Variants in PBX1 observed in about 807,000 individuals in gnomAD.
PBX1 encodes the protein PBX homeobox 1.
PBX1 carries 6 observed loss-of-function variants against 53.4 expected under a neutral mutation model. The observed-to-expected ratio is 0.11, with a 90% CI of 0.06 to 0.22. PBX1 has a LOEUF of 0.22. PBX1 is among the 10% of genes least tolerant of loss of function. PBX1 has a pLI of 1.00. For missense variants in PBX1, 251 were observed against 551.4 expected, an observed-to-expected ratio of 0.46 and a Z score of 5.46; for synonymous variants, 204 against 212.3, an observed-to-expected ratio of 0.96 and a Z score of 0.34.
intron 2 of PBX1, among the ~76,000 whole-genome samples, chr1:164,688,730 TAGG>T (rs1662273278): frequency 6.6e-6 from 1 of 152,192 alleles, no homozygotes; most frequent in Admixed American, 6.5e-5. Flanking sequence ...TCTCCCCTTC[TAGG>T]AGATTTCAGA....
intron 2 of PBX1, among the ~76,000 whole-genome samples, chr1:164,720,108 G>C (rs550429853): frequency 6.6e-6 from 1 of 152,196 alleles, no homozygotes; most frequent in Admixed American, 6.5e-5. Context: ...AAAATGTCCA[G>C]CCTCACATGG....
chr1:164,699,421 C>A (rs1662976353), intron 2 of PBX1, among the ~76,000 whole-genome samples: 1 of 152,054 alleles, frequency 6.6e-6, no homozygotes, highest in Admixed American at 6.6e-5. Flanking sequence ...TCCCCGAGAA[C>A]AAAGATTGTG....
chr1:164,844,401 C>T (rs1266187359), intron 8 of PBX1, among the ~76,000 whole-genome samples: 2 of 152,016 alleles, frequency 1.3e-5, no homozygotes, highest in African/African-American at 4.8e-5. Context: ...TATCTATCTA[C>T]CTGCCTATCT....
chr1:164,573,122 A>C (rs955948816), intron 2 of PBX1, among the ~76,000 whole-genome samples: 3 of 152,168 alleles, frequency 2.0e-5, no homozygotes, highest in African/African-American at 7.2e-5. Context: ...ATTTTTAAAA[A>C]GTAAGAAGAA....
At chr1:164,734,151 T>C (rs1665147099) in intron 2 of PBX1, among the ~76,000 whole-genome samples, 1 of 152,322 alleles carries the variant, frequency 6.6e-6, no homozygotes, top group Admixed American at 6.5e-5. Context: ...TTTACATACA[T>C]TTCAAATACG....
chr1:164,690,110 T>C (rs952856787), intron 2 of PBX1, among the ~76,000 whole-genome samples: 4 of 152,216 alleles, frequency 2.6e-5, no homozygotes, highest in African/African-American at 4.8e-5. Flanking sequence ...TAGATAACCC[T>C]TCTGATTACA....
intron 2 of PBX1, among the ~76,000 whole-genome samples, chr1:164,685,935 G>C (rs984471770): frequency 1.3e-5 from 2 of 152,198 alleles, no homozygotes; most frequent in Non-Finnish European, 2.9e-5. Context: ...TTAGGTGCCT[G>C]TTCCCCCGTG....
At chr1:164,690,068 T>C (rs1662372491) in intron 2 of PBX1, among the ~76,000 whole-genome samples, 1 of 152,200 alleles carries the variant, frequency 6.6e-6, no homozygotes, top group Non-Finnish European at 1.5e-5. Flanking sequence ...GGGTGACATA[T>C]GGTACTGACT....
Position 164,847,651 on chromosome 1 carries a change from A to C in PBX1, c.*975A>C. 1 of 1,060,206 alleles carries C rather than the reference A, an allele frequency of 9.4e-7. No homozygotes were observed. The highest frequency in any genetic ancestry group is 1.1e-6 in the Non-Finnish European group (1 of 875,920). The allele number at this position is 1,060,206 out of a possible 1,614,324, so 65.7% of individuals were successfully genotyped here. A position where few individuals can be genotyped will look rare whatever the true frequency, so the allele number is the denominator to read the frequency against. On this transcript the variant is annotated 3_prime_UTR_variant, in exon 9 of 9. Transcript: ENST00000420696. ...CGTTCATGCACATGTAGGCACATGT[A>C]CCATCTCACATCTTCACTTTCCCGA...
At chr1:164,870,277 CTTTCTTTCTT>C (rs1672334349) in intron 2 of PBX1, among the ~76,000 whole-genome samples, 3 of 19,384 alleles carry the variant, frequency 1.5e-4, no homozygotes, top group African/African-American at 4.6e-4. Flanking sequence ...TTCTTTCTTT[CTTTCTTTCTT>C]TCTTTCTTTC....
intron 8 of PBX1, chr1:164,829,975 T>C (rs1571489345): frequency 6.6e-6 from 1 of 152,134 alleles, no homozygotes; most frequent in Non-Finnish European, 1.5e-5. Flanking sequence ...ATATGGCTAG[T>C]TTGAAAAAGA....
chr1:164,607,422 T>C (rs1656631006), intron 2 of PBX1, among the ~76,000 whole-genome samples: 1 of 152,172 alleles, frequency 6.6e-6, no homozygotes, highest in African/African-American at 2.4e-5. Context: ...CCAAGGTTTC[T>C]AGTTTGTAAG....
chr1:164,818,800 C>G (rs1670001840), intron 6 of PBX1: 1 of 144,580 alleles, frequency 6.9e-6, no homozygotes. Context: ...GTTAAGTGGT[C>G]CTTCTATGGG....
At chr1:164,691,975 A>C (rs73023300) in intron 2 of PBX1, among the ~76,000 whole-genome samples, 4,122 of 152,342 alleles carry the variant, frequency 0.027, 192 homozygotes, top group African/African-American at 0.094. Flanking sequence ...TGTGTAAACT[A>C]TATGAGATAC....
Position 164,625,890 on chromosome 1 carries a change from ATTCTGCATAATAGGTCTTTGT to A in PBX1, c.265+62585_265+62605del, listed in dbSNP as rs1373676817. Reference sequence around the variant, plus strand: ...CTCCTTCTGCCTTTCTGTAAAATCTATTCTGCATAATAGGTCTTTGTTTCTGGATTTGTGACAGAATTGAAG... The same window carrying A: ...CTCCTTCTGCCTTTCTGTAAAATCTATTCTGGATTTGTGACAGAATTGAAG... On this transcript the variant is annotated intron_variant, in intron 2 of 8. Transcript: ENST00000420696. 2.4e-5 allele frequency: 24 copies of A among 1,010,588 alleles called. No individual in the cohort carries two copies. In the Admixed American group the frequency reaches 1.4e-3, roughly 59 times the overall value. The allele number at this position is 1,010,588 out of a possible 1,614,324, so 62.6% of individuals were successfully genotyped here.
chr1:164,580,423 C>T (rs905264607), intron 2 of PBX1, among the ~76,000 whole-genome samples: 2 of 149,416 alleles, frequency 1.3e-5, no homozygotes, highest in East Asian at 2.0e-4. Flanking sequence ...GGATTACAGG[C>T]GTGCGCCACC....
At chr1:164,680,806 A>C (rs1661719899) in intron 2 of PBX1, 1 of 152,222 alleles carries the variant, frequency 6.6e-6, no homozygotes, top group African/African-American at 2.4e-5. Context: ...CAAATAGTTG[A>C]AGACTTATTT....
rs16833087 is a variant in PBX1 at position 164,600,709 on chromosome 1, G to T, written c.265+37398G>T. ...CGGGCTAGTAAACACATGACTAGGG[G>T]CTCAATCCCTTGTGGGCCTGTTAGT... On this transcript the variant is annotated intron_variant, in intron 2 of 8. Transcript: ENST00000420696. Among the ~76,000 whole-genome samples the T allele has an allele frequency of 8.7e-3, 1,319 of 152,308 alleles. 16 individuals carry two copies. The highest frequency in any genetic ancestry group is 0.03 in the African/African-American group (1,252 of 41,564).
chr1:164,645,527 G>A (rs184655719), intron 2 of PBX1, among the ~76,000 whole-genome samples: 2 of 151,522 alleles, frequency 1.3e-5, no homozygotes, highest in East Asian at 1.9e-4. Context: ...AGAGGAGAAG[G>A]GGGGCTTAGG....
Sources: allele counts gnomAD v4.1 joint callset (sites outside exome capture counted in the v4.1 genomes callset), GRCh38; gene constraint gnomAD v4.1.1; transcripts MANE v1.5; gene names NCBI Gene and HGNC (gene_info 2026-07-23, HGNC 2026-07-21).